The following CAMK4 variants were observed in gnomAD, a reference collection of about 807,000 sequenced individuals.
CAMK4 encodes the protein calcium/calmodulin-dependent protein kinase type IV.
Under a neutral mutation model 44.9 loss-of-function variants are expected in CAMK4, and 22 were observed. That is an observed-to-expected ratio of 0.49 (90% CI 0.35 to 0.70). CAMK4 has a LOEUF of 0.70. Among genes scored for constraint, CAMK4 ranks in the 30% least tolerant of loss-of-function variants. The pLI, the probability that CAMK4 is intolerant of heterozygous loss-of-function variation, is 0.01. For synonymous variants in CAMK4, 218 were observed against 215.4 expected, an observed-to-expected ratio of 1.01 and a Z score of -0.11; for missense variants, 498 against 586.8, an observed-to-expected ratio of 0.85 and a Z score of 1.56.
At chr5:111,371,445 C>A (rs996455280) in intron 2 of CAMK4, among the ~76,000 whole-genome samples, 1 of 152,186 alleles carries the variant, frequency 6.6e-6, no homozygotes, top group South Asian at 2.1e-4. Flanking sequence ...CTTTCACTAT[C>A]TTCTGATAAC....
intron 2 of CAMK4, among the ~76,000 whole-genome samples, chr5:111,362,912 A>T (rs553297350): frequency 6.6e-6 from 1 of 152,220 alleles, no homozygotes; most frequent in Non-Finnish European, 1.5e-5. Flanking sequence ...TCCAATTCTC[A>T]CCATTATCAT....
intron 5 of CAMK4, among the ~76,000 whole-genome samples, chr5:111,420,107 C>T (rs1426855888): frequency 2.7e-5 from 4 of 148,936 alleles, no homozygotes; most frequent in Non-Finnish European, 4.5e-5. Context: ...TTTGTATCCT[C>T]TTTTATTTCA....
At chr5:111,466,320 A>G (rs1281800132) in intron 7 of CAMK4, among the ~76,000 whole-genome samples, 1 of 152,188 alleles carries the variant, frequency 6.6e-6, no homozygotes, top group Non-Finnish European at 1.5e-5. Context: ...CACAACTTCT[A>G]TTCATCATAG....
At chr5:111,247,478 T>C (rs913102324) in intron 1 of CAMK4, among the ~76,000 whole-genome samples, 5 of 148,948 alleles carry the variant, frequency 3.4e-5, no homozygotes, top group Admixed American at 2.0e-4. Context: ...TGGTTTTAAA[T>C]TTGTAAATTG....
intron 4 of CAMK4, among the ~76,000 whole-genome samples, chr5:111,392,331 C>G (rs410859): frequency 0.38 from 58,352 of 151,894 alleles, 11,519 homozygotes; most frequent in Non-Finnish European, 0.43. Context: ...GTGCCACACA[C>G]TTCAACTATA....
intron 1 of CAMK4, among the ~76,000 whole-genome samples, chr5:111,336,071 A>G (rs899989910): frequency 6.6e-6 from 1 of 151,454 alleles, no homozygotes; most frequent in African/African-American, 2.4e-5. Flanking sequence ...GGCTCAAAGT[A>G]TTAGTTTCAT....
chr5:111,430,232 A>G (rs964372083), intron 5 of CAMK4, among the ~76,000 whole-genome samples: 1 of 152,340 alleles, frequency 6.6e-6, no homozygotes, highest in African/African-American at 2.4e-5. Flanking sequence ...GATCATTTCA[A>G]TTGATGCTGA....
intron 2 of CAMK4, among the ~76,000 whole-genome samples, chr5:111,363,823 C>A (rs1020491669): frequency 1.3e-5 from 2 of 152,026 alleles, no homozygotes; most frequent in African/African-American, 4.8e-5. Context: ...AGGTCTATGG[C>A]AAAGAGTTTA....
chr5:111,300,737 G>A (rs568222805), intron 1 of CAMK4, among the ~76,000 whole-genome samples: 32 of 152,186 alleles, frequency 2.1e-4, no homozygotes, highest in African/African-American at 7.5e-4. Context: ...GGAGAGAGAT[G>A]TTATAAAAAA....
At chr5:111,282,989 G>C (rs1180662243) in intron 1 of CAMK4, 2 of 152,204 alleles carry the variant, frequency 1.3e-5, no homozygotes, top group Non-Finnish European at 2.9e-5. Context: ...GGGAGCTGTA[G>C]TTCTCTGCTG....
At chr5:111,258,147 A>T (rs979235732) in intron 1 of CAMK4, among the ~76,000 whole-genome samples, 7 of 152,244 alleles carry the variant, frequency 4.6e-5, no homozygotes, top group Non-Finnish European at 8.8e-5. Context: ...TCTGCAGTGT[A>T]TGGAACTTAA....
chr5:111,459,726 G>A (rs1156311888), intron 7 of CAMK4, among the ~76,000 whole-genome samples: 1 of 119,506 alleles, frequency 8.4e-6, no homozygotes, highest in Non-Finnish European at 1.6e-5. Flanking sequence ...ACGGAGCCTC[G>A]CTGTGTCACC....
intron 1 of CAMK4, among the ~76,000 whole-genome samples, chr5:111,254,842 G>A (rs949662121): frequency 5.3e-5 from 8 of 152,060 alleles, no homozygotes; most frequent in African/African-American, 1.9e-4. Context: ...AAAGGGTACT[G>A]CAGTCAGGTT....
chr5:111,471,686 T>G (rs1755071430), intron 7 of CAMK4, among the ~76,000 whole-genome samples: 1 of 152,216 alleles, frequency 6.6e-6, no homozygotes, highest in South Asian at 2.1e-4. Context: ...ATTGTGAAAT[T>G]CATGCATAAT....
intron 7 of CAMK4, among the ~76,000 whole-genome samples, chr5:111,453,463 A>G (rs1399345278): frequency 1.3e-5 from 2 of 152,178 alleles, no homozygotes; most frequent in African/African-American, 2.4e-5. Context: ...TCAGTCTGGC[A>G]TGTATCTTTC....
intron 1 of CAMK4, among the ~76,000 whole-genome samples, chr5:111,255,700 C>G (rs1392241160): frequency 6.6e-6 from 1 of 152,166 alleles, no homozygotes. Flanking sequence ...TCTTGCAAAG[C>G]CTCCATTATT....
Position 111,484,151 on chromosome 5 carries a change from G to T in CAMK4, c.1107G>T (p.Met369Ile). The change falls in exon 11 of 11, where the codon ATG becomes ATT. Residue 369 changes from methionine to isoleucine, a missense_variant. Coordinates refer to ENST00000282356, the MANE Select transcript of CAMK4 (RefSeq NM_001744.6). This position sits in a 1 kb window ranked among gnomAD's most constrained non-coding sequence, Gnocchi z 5.3. ...CAATCCAAGATGGCAACGAGGACAT[G>T]AAAGCTATTCCAGAAGGAGAGAAAA... ...PSPIQDGNED[M>I]KAIPEGEKIQ... 6.2e-7 allele frequency: 1 copy of T among 1,614,208 alleles called. No homozygotes were observed. Among genetic ancestry groups the T allele is most frequent in the Non-Finnish European group, 8.5e-7 (1 of 1,180,038 alleles).
At chr5:111,388,313 TGA>T (rs1751677563) in intron 4 of CAMK4, among the ~76,000 whole-genome samples, 1 of 152,188 alleles carries the variant, frequency 6.6e-6, no homozygotes, top group Non-Finnish European at 1.5e-5. Flanking sequence ...ATTACATCTA[TGA>T]TAATGTTTTT....
intron 6 of CAMK4, 62 bp from the exon 7 acceptor site, chr5:111,449,067 A>G: frequency 1.3e-6 from 1 of 754,694 alleles, no homozygotes; most frequent in Non-Finnish European, 2.3e-6. Context: ...TTTGAATAAC[A>G]AATATTTTGT....
Sources: gnomAD v4.1 joint callset for allele counts (sites outside exome capture counted in the v4.1 genomes callset) on GRCh38, gnomAD v4.1.1 for gene constraint, Gnocchi (gnomAD v3.1) non-coding constraint, MANE v1.5 for transcripts, NCBI Gene and HGNC (gene_info 2026-07-23, HGNC 2026-07-21) for gene names.